The following ECPAS variants were observed in gnomAD, a reference collection of about 807,000 sequenced individuals.
ECPAS encodes the protein proteasome adapter and scaffold protein ECM29.
A neutral mutation model predicts 255.1 loss-of-function variants in ECPAS; 70 were observed. That is an observed-to-expected ratio of 0.27 (90% CI 0.23 to 0.33). The LOEUF (loss-of-function observed/expected upper bound fraction) is 0.33, where lower values mean the gene tolerates loss of function less well. ECPAS is among the 10% of genes least tolerant of loss of function. ECPAS has a pLI of 1.00. For synonymous variants in ECPAS, 784 were observed against 775.0 expected, an observed-to-expected ratio of 1.01 and a Z score of -0.19; for missense variants, 1,817 against 2,206.4, an observed-to-expected ratio of 0.82 and a Z score of 3.54.
chr9:111,404,031 A>G (rs2098180218), intron 24 of ECPAS, among the ~76,000 whole-genome samples: 1 of 150,010 alleles, frequency 6.7e-6, no homozygotes, highest in South Asian at 2.1e-4. Context: ...TGAAAAAATT[A>G]AGAAAGAAAA....
chr9:111,390,047 C>A lies in ECPAS; in HGVS notation c.3216G>T (p.Gln1072His). The A allele has an allele frequency of 6.2e-7, 1 of 1,601,966 alleles. No homozygotes were observed. Among genetic ancestry groups the A allele is most frequent in the Non-Finnish European group, 8.5e-7 (1 of 1,171,328 alleles). ...ELCSLASDLS[Q>H]PDLVYKFMNL... ...TCATAAATTTATACACCAGATCTGG[C>A]TGGCTAAGATCACTTGCCAGAGAAC... The change falls in exon 30 of 50, where the codon CAG becomes CAT. Residue 1072 changes from glutamine (Q) to histidine (H), a missense_variant. Physicochemically the swap from Gln to His is conservative, Grantham distance 24. This residue lies in a region of ECPAS where 960 missense variants were observed against 1,179.0 expected (regional missense o/e 0.81). Transcript: ENST00000684092.
intron 23 of ECPAS, among the ~76,000 whole-genome samples, chr9:111,409,624 T>C (rs984478393): frequency 6.6e-6 from 1 of 152,130 alleles, no homozygotes; most frequent in African/African-American, 2.4e-5. Flanking sequence ...TTTCTGCTCA[T>C]TAAATCATCT....
At position 111,372,688 on chromosome 9, in the gene ECPAS, A is replaced by G. The variant is rs529751856; in HGVS notation, c.4337-68T>C. On this transcript the variant is annotated intron_variant, in intron 41 of 49. Transcript: ENST00000684092. ...TAAGGGTAACTGATCTAAACAGGCT[A>G]TTGTTCAACTCATATAATAGCAAAA... 3.3e-6 allele frequency: 4 copies of G among 1,203,222 alleles called. No individual in the cohort carries two copies. The Admixed American group carries it at 9.6e-5, about 29-fold the overall frequency. The allele number at this position is 1,203,222 out of a possible 1,614,324, so 74.5% of individuals were successfully genotyped here.
chr9:111,361,984 C>G lies in ECPAS; in HGVS notation c.*46G>C. ...GGTTTTTCAAAGAACACCACCACTT[C>G]AACCCCCAATGAACATGGCACTTGT... On this transcript the variant is annotated 3_prime_UTR_variant, in exon 50 of 50. Transcript: ENST00000684092. 1 of 1,597,758 alleles carries G rather than the reference C, an allele frequency of 6.3e-7. No homozygotes were observed. The highest frequency in any genetic ancestry group is 1.3e-5 in the African/African-American group (1 of 74,276).
chr9:111,362,176 G>GAAAAAAAAA lies in ECPAS; in HGVS notation c.5381-16_5381-8dup, dbSNP rs3837272. ...CATTCCCACTGTTTAGATTCTGCATGAAAAAAAAAAAACAAAAACAAAAAA... is the reference window on the plus strand; with the variant it reads ...CATTCCCACTGTTTAGATTCTGCATGAAAAAAAAAAAAAAAAAAAAACAAAAACAAAAAA... On this transcript the variant is annotated splice_region_variant and splice_polypyrimidine_tract_variant and intron_variant, in intron 49 of 49. Transcript: ENST00000684092. 6.7e-6 allele frequency: 8 copies of GAAAAAAAAA among 1,188,678 alleles called. No individual in the cohort carries two copies. Among genetic ancestry groups the GAAAAAAAAA allele is most frequent in the African/African-American group, 1.8e-5 (1 of 54,824 alleles). The allele number at this position is 1,188,678 out of a possible 1,614,324, so 73.6% of individuals were successfully genotyped here.
intron 1 of ECPAS, among the ~76,000 whole-genome samples, chr9:111,479,225 T>C (rs923517655): frequency 6.6e-6 from 1 of 152,140 alleles, no homozygotes; most frequent in African/African-American, 2.4e-5. Context: ...GGGGAAGGTG[T>C]GTTGGTGTCA....
chr9:111,367,760 G>A (rs2098122213), intron 46 of ECPAS, among the ~76,000 whole-genome samples: 1 of 151,988 alleles, frequency 6.6e-6, no homozygotes, highest in Admixed American at 6.6e-5. Context: ...CAATAATATT[G>A]TCGCTGGGCA....
intron 45 of ECPAS, among the ~76,000 whole-genome samples, chr9:111,369,615 T>C (rs547059837): frequency 6.6e-4 from 101 of 152,344 alleles, no homozygotes; most frequent in Non-Finnish European, 1.1e-3. Flanking sequence ...ATGTTTGTAA[T>C]GGAAATTATT....
chr9:111,437,182 C>T, intron 6 of ECPAS, 74 bp from the exon 7 acceptor site: 5 of 1,139,604 alleles, frequency 4.4e-6, no homozygotes, highest in Non-Finnish European at 6.0e-6. Flanking sequence ...ACAAAACATT[C>T]AATCATATAC....
chr9:111,397,377 C>T (rs2098169191), intron 24 of ECPAS, among the ~76,000 whole-genome samples: 1 of 152,170 alleles, frequency 6.6e-6, no homozygotes, highest in Non-Finnish European at 1.5e-5. Context: ...TGCTGCCCTC[C>T]TCACCCTCAG....
At chr9:111,394,072 G>A (rs2098164152) in intron 26 of ECPAS, 88 bp downstream of exon 26, 2 of 1,246,160 alleles carry the variant, frequency 1.6e-6, no homozygotes, top group African/African-American at 3.1e-5. Flanking sequence ...ACCTACTATT[G>A]GTTAATGACC....
chr9:111,373,606 A>G (rs1035828612), intron 39 of ECPAS, among the ~76,000 whole-genome samples, 200 bp from the exon 40 acceptor site: 2 of 150,678 alleles, frequency 1.3e-5, no homozygotes, highest in Non-Finnish European at 2.9e-5. Flanking sequence ...AATATCGTGG[A>G]AAAAGATGCA....
At chr9:111,469,106 C>G (rs1214227171) in intron 2 of ECPAS, among the ~76,000 whole-genome samples, 1 of 152,184 alleles carries the variant, frequency 6.6e-6, no homozygotes, top group Non-Finnish European at 1.5e-5. Flanking sequence ...AGCGTGATGG[C>G]AGGCCCCGTA....
chr9:111,463,186 G>A (rs536908875), intron 2 of ECPAS, among the ~76,000 whole-genome samples: 20 of 152,288 alleles, frequency 1.3e-4, no homozygotes, highest in South Asian at 2.1e-4. Context: ...CACTACAGTC[G>A]GCTGATAGAG....
At position 111,478,495 on chromosome 9, in the gene ECPAS, C is replaced by T. The variant is rs147980223; in HGVS notation, c.-82-5495G>A. 1.6e-4 allele frequency among the ~76,000 whole-genome samples: 25 copies of T among 152,166 alleles called. 1 individual carries two copies. In the East Asian group the frequency reaches 4.1e-3, roughly 25 times the overall value. On this transcript the variant is annotated intron_variant, in intron 1 of 49. Coordinates refer to ENST00000684092, the MANE Select transcript of ECPAS (RefSeq NM_001364929.1). Reference sequence around the variant, plus strand: ...TGATCTGAGATTGCACCACGGCACTCCAGCCTGGACAACAGTGCGAGACTC... The same window carrying T: ...TGATCTGAGATTGCACCACGGCACTTCAGCCTGGACAACAGTGCGAGACTC...
At chr9:111,414,332 G>C (rs1397369923) in intron 19 of ECPAS, 97 bp downstream of exon 19, 30 of 1,059,588 alleles carry the variant, frequency 2.8e-5, no homozygotes, top group Non-Finnish European at 4.1e-5. Context: ...AGTTACAGAA[G>C]AAAAAGAATA....
chr9:111,437,747 C>T, intron 6 of ECPAS, among the ~76,000 whole-genome samples: 1 of 152,152 alleles, frequency 6.6e-6, no homozygotes, highest in Admixed American at 6.5e-5. Flanking sequence ...CTTTGCACTG[C>T]CTTGGTTAAT....
chr9:111,417,945 T>C lies in ECPAS; in HGVS notation c.1621A>G (p.Lys541Glu), dbSNP rs201947338. The change falls in exon 17 of 50, where the codon AAA becomes GAA. Residue 541 changes from lysine (K) to glutamate (E), a missense_variant. Physicochemically the swap from Lys to Glu is moderately conservative, Grantham distance 56. Around this residue, in one of 4 missense-constraint regions of ECPAS, gnomAD observed 573 missense variants for 716.2 expected, o/e 0.80. Coordinates refer to ENST00000684092, the MANE Select transcript of ECPAS (RefSeq NM_001364929.1). ...VLRCLPGRNR[K>E]ESTSEQMPSF... Reference sequence around the variant, plus strand: ...GGCATCTGCTCAGAAGTACTTTCTTTTCTGTTTCTACCTGGAAGACACCTT... The same window carrying C: ...GGCATCTGCTCAGAAGTACTTTCTTCTCTGTTTCTACCTGGAAGACACCTT... 3.8e-5 allele frequency: 61 copies of C among 1,604,184 alleles called. No individual in the cohort carries two copies. The highest frequency in any genetic ancestry group is 4.4e-5 in the Non-Finnish European group (52 of 1,175,076).
rs1465414141 is a variant in ECPAS at position 111,428,128 on chromosome 9, G to C, written c.964C>G (p.Pro322Ala). The change falls in exon 10 of 50, where the codon CCT becomes GCT. Residue 322 changes from proline to alanine, a missense_variant. This residue lies in a region of ECPAS where 573 missense variants were observed against 716.2 expected (regional missense o/e 0.80). Transcript: ENST00000684092. ...AVLKPELKRD[P>A]VSTRVKLKIV... ...TTTAACTTGACTCTTGTACTGACAGGGTCCCTTTTCAACTCTGGCTTCAGA... is the reference window on the plus strand; with the variant it reads ...TTTAACTTGACTCTTGTACTGACAGCGTCCCTTTTCAACTCTGGCTTCAGA... 6.2e-7 allele frequency: 1 copy of C among 1,611,958 alleles called. No homozygotes were observed. Among genetic ancestry groups the C allele is most frequent in the South Asian group, 1.1e-5 (1 of 90,788 alleles).
Sources: gnomAD v4.1 joint callset for allele counts (sites outside exome capture counted in the v4.1 genomes callset) on GRCh38, gnomAD v4.1.1 for gene constraint, gnomAD v4.1.1 regional missense constraint, MANE v1.5 for transcripts, NCBI Gene and HGNC (gene_info 2026-07-23, HGNC 2026-07-21) for gene names.